JMJD6: variants seen among roughly 807,000 people sequenced by gnomAD.
JMJD6 encodes bifunctional arginine demethylase and lysyl-hydroxylase JMJD6.
JMJD6 carries 17 observed loss-of-function variants against 45.8 expected under a neutral mutation model. That is an observed-to-expected ratio of 0.37 (90% CI 0.25 to 0.56). JMJD6 has a LOEUF of 0.56. Among genes scored for constraint, JMJD6 ranks in the 20% least tolerant of loss-of-function variants. JMJD6 has a pLI of 0.79. For missense variants in JMJD6, 470 were observed against 517.5 expected (o/e 0.91, Z 0.89); for synonymous variants, 221 against 196.3 (o/e 1.13, Z -1.05).
chr17:76,718,354 A>T, downstream of JMJD6: 1 of 863,326 alleles, frequency 1.2e-6, no homozygotes, highest in Non-Finnish European at 1.5e-6. Context: ...GTGGTCAAGG[A>T]TGCACAGCAG....
In JMJD6 at chr17:76,721,133, G is replaced by A. The variant is rs1305962519; in HGVS notation, c.942-635C>T. On this transcript the variant is annotated intron_variant, in intron 4 of 5. Transcript: ENST00000397625. ...CTGCGGTGTGACCAAATCACAGCAC[G>A]CAGTGGCCTACGGGGCGGGGTAAGT... The A allele has an allele frequency of 2.3e-5, 5 of 216,138 alleles. No individual in the cohort carries two copies. The East Asian group carries it at 3.0e-4, about 13-fold the overall frequency. The allele number at this position is 216,138 out of a possible 1,614,324, so 13.4% of individuals were successfully genotyped here. A position where few individuals can be genotyped will look rare whatever the true frequency, so the allele number is the denominator to read the frequency against.
intron 2 of JMJD6, 45 bp downstream of exon 2, chr17:76,725,422 A>AAG (rs1568002131): frequency 1.3e-6 from 2 of 1,498,204 alleles, no homozygotes; most frequent in African/African-American, 1.4e-5. Context: ...AAAAAAAAAA[A>AAG]AAAAAAGAAA....
intron 3 of JMJD6, among the ~76,000 whole-genome samples, chr17:76,723,279 A>G (rs1002679591): frequency 1.1e-4 from 16 of 152,026 alleles, no homozygotes; most frequent in African/African-American, 3.9e-4. Context: ...TAGCCATATA[A>G]AATGTGAACA....
In JMJD6 at chr17:76,726,327, C is replaced by A; in HGVS notation, c.129+20G>T. 2 of 1,553,838 alleles carry A rather than the reference C, an allele frequency of 1.3e-6. No individual in the cohort carries two copies. Among genetic ancestry groups the A allele is most frequent in the South Asian group, 1.2e-5 (1 of 85,130 alleles). On this transcript the variant is annotated intron_variant, in intron 1 of 5. Coordinates refer to ENST00000397625, the MANE Select transcript of JMJD6 (RefSeq NM_015167.3). The stretch of plus-strand genomic sequence containing the variant: ...GAGGTGCCGATGCCCGGCCTGGCCA[C>A]CCCCGCCCGACCCGCTCACCGCCAC...
At chr17:76,719,628 C>T (rs776608142) in intron 5 of JMJD6, among the ~76,000 whole-genome samples, 21 of 152,198 alleles carry the variant, frequency 1.4e-4, no homozygotes, top group Non-Finnish European at 2.9e-4. Context: ...AGGGCCCTCT[C>T]ACCCAGTATT....
Position 76,726,423 on chromosome 17 carries a change from GGCCGCGCACTC to G in JMJD6, c.42_52del (p.Ser15GlyfsTer27). The stretch of plus-strand genomic sequence containing the variant: ...CCAATCCAGCGAGTCCTTGAGCTCC[GGCCGCGCACTC>G]CGCTTGGCCTCGCGGATGCGCTTCT... On this transcript the variant is annotated frameshift_variant, in exon 1 of 6. Coordinates refer to ENST00000397625, the MANE Select transcript of JMJD6 (RefSeq NM_015167.3). LOFTEE classifies it high-confidence loss of function. 6.2e-7 allele frequency: 1 copy of G among 1,603,750 alleles called. No individual in the cohort carries two copies. The highest frequency in any genetic ancestry group is 8.5e-7 in the Non-Finnish European group (1 of 1,176,062).
intron 2 of JMJD6, 72 bp from the exon 3 acceptor site, chr17:76,724,130 T>C (rs1201696833): frequency 5.2e-6 from 8 of 1,526,424 alleles, no homozygotes; most frequent in Non-Finnish European, 7.1e-6. Flanking sequence ...CAATAAGTTT[T>C]TAGTTTTTCT....
At chr17:76,725,412 A>AAAG in intron 2 of JMJD6, 55 bp downstream of exon 2, 1 of 1,425,722 alleles carries the variant, frequency 7.0e-7, no homozygotes, top group South Asian at 1.5e-5. Flanking sequence ...GTCTCAAAAA[A>AAAG]AAAAAAAAAA....
In JMJD6 at chr17:76,726,586, T is replaced by C; in HGVS notation, c.-111A>G. The C allele has an allele frequency of 7.2e-7, 1 of 1,394,068 alleles. No homozygotes were observed. The highest frequency in any genetic ancestry group is 9.5e-7 in the Non-Finnish European group (1 of 1,050,540). 86.4% of individuals were successfully genotyped at this position (1,394,068 alleles called of 1,614,324 possible). On this transcript the variant is annotated 5_prime_UTR_variant, in exon 1 of 6. Coordinates refer to ENST00000397625, the MANE Select transcript of JMJD6 (RefSeq NM_015167.3). ...GGCGACGGCAGTACCCAAACGCCCT[T>C]CGCTCAGTCCCGGCGCCTTTAAAGT...
intron 4 of JMJD6, chr17:76,720,708 T>G: frequency 2.0e-6 from 1 of 491,592 alleles, no homozygotes; most frequent in Non-Finnish European, 3.7e-6. Flanking sequence ...GCAAGGAAAA[T>G]TATACTAACT....
At chr17:76,722,926 G>T (rs923478359) in intron 3 of JMJD6, among the ~76,000 whole-genome samples, 1 of 3,168 alleles carries the variant, frequency 3.2e-4, no homozygotes, top group African/African-American at 9.0e-4. Context: ...CACAAACAAA[G>T]AAAAGTTGTA....
chr17:76,725,736 C>T lies in JMJD6; in HGVS notation c.249G>A (p.Glu83=). The T allele has an allele frequency of 6.2e-7, 1 of 1,614,164 alleles. No individual in the cohort carries two copies. The highest frequency in any genetic ancestry group is 1.1e-5 in the South Asian group (1 of 91,090). ...TTTTTAGGCGCTCCAGAGTCCATTT[C>T]TCCTGCGCAGACCAGCCCTCTTGCG... is the stretch of plus-strand genomic sequence containing the variant. The part of the protein sequence containing the change: ...LNAQEGWSAQ[E]KWTLERLKRK... Residue 83 remains glutamate (E), a synonymous_variant, in exon 2 of 6, where the codon GAG becomes GAA. Transcript: ENST00000397625.
Position 76,721,826 on chromosome 17 carries a change from T to C in JMJD6, c.913A>G (p.Arg305Gly). 6.2e-7 allele frequency: 1 copy of C among 1,614,126 alleles called. No individual in the cohort carries two copies. Among genetic ancestry groups the C allele is most frequent in the Non-Finnish European group, 8.5e-7 (1 of 1,180,018 alleles). Reference protein sequence around the residue: ...PVVWHKTVRGRPKLSRKWYRI... With the variant: ...PVVWHKTVRGGPKLSRKWYRI... ...TACCATTTCCTTGATAACTTTGGTCTCCCTCTTACCGTCTTGTGCCATACC... is the reference window on the plus strand; with the variant it reads ...TACCATTTCCTTGATAACTTTGGTCCCCCTCTTACCGTCTTGTGCCATACC... Residue 305 changes from arginine (R) to glycine (G), a missense_variant, in exon 4 of 6, where the codon AGA becomes GGA. Arg to Gly is a moderately radical substitution (Grantham distance 125). Transcript: ENST00000397625.
At position 76,723,994 on chromosome 17, in the gene JMJD6, C is replaced by A. The variant is rs1348215729; in HGVS notation, c.583G>T (p.Ala195Ser). Residue 195 changes from alanine to serine, a missense_variant, in exon 3 of 6, where the codon GCC (alanine) becomes TCC (serine). By Grantham distance (99) the Ala-to-Ser change is moderately conservative. Around this residue, in one of 4 missense-constraint regions of JMJD6, gnomAD observed 346 missense variants for 339.5 expected, o/e 1.02. Coordinates refer to ENST00000397625, the MANE Select transcript of JMJD6 (RefSeq NM_015167.3). Reference sequence around the variant, plus strand: ...TGGCCCTGAACTAAGGCATTCCAGGCACTGGTTCCCAGAGGGTCGATGTGA... The same window carrying A: ...TGGCCCTGAACTAAGGCATTCCAGGAACTGGTTCCCAGAGGGTCGATGTGA... ...GIHIDPLGTS[A>S]WNALVQGHKR... 2 of 1,614,046 alleles carry A rather than the reference C, an allele frequency of 1.2e-6. No homozygotes were observed. The highest frequency in any genetic ancestry group is 1.3e-5 in the African/African-American group (1 of 74,916).
downstream of JMJD6, among the ~76,000 whole-genome samples, chr17:76,717,519 G>C (rs1235419405): frequency 6.6e-6 from 1 of 152,126 alleles, no homozygotes; most frequent in Non-Finnish European, 1.5e-5. Flanking sequence ...ACTTATTTAG[G>C]TCCAATCTTG....
In JMJD6 at chr17:76,725,775, C is replaced by A. The variant is rs1568002938; in HGVS notation, c.210G>T (p.Val70=). The part of the protein sequence containing the change: ...VERYERPYKP[V]VLLNAQEGWS... ...AGCCCTCTTGCGCATTCAACAAAAC[C>A]ACGGGCTTGTAAGGTCTTTCATACC... The change falls in exon 2 of 6, where the codon GTG becomes GTT. Residue 70 remains valine (V), a synonymous_variant. Transcript: ENST00000397625. 6.2e-7 allele frequency: 1 copy of A among 1,614,084 alleles called. No homozygotes were observed. Among genetic ancestry groups the A allele is most frequent in the Non-Finnish European group, 8.5e-7 (1 of 1,180,020 alleles).
chr17:76,720,153 A>G (rs1598375802), intron 5 of JMJD6, among the ~76,000 whole-genome samples: 1 of 152,226 alleles, frequency 6.6e-6, no homozygotes, highest in African/African-American at 2.4e-5. Flanking sequence ...CTCCAAACAA[A>G]CAAAAATTCA....
chr17:76,714,795 G>A (rs1231291445), downstream of JMJD6: 1 of 152,162 alleles, frequency 6.6e-6, no homozygotes, highest in African/African-American at 2.4e-5. Context: ...AGAAAACTGG[G>A]TGGCTAATCT....
intron 3 of JMJD6, among the ~76,000 whole-genome samples, chr17:76,723,253 A>C (rs955003321): frequency 6.6e-6 from 1 of 151,936 alleles, no homozygotes. Flanking sequence ...GCCTGCATAC[A>C]GTTTATCAGG....
Sources: allele counts gnomAD v4.1 joint callset (sites outside exome capture counted in the v4.1 genomes callset), GRCh38; gene constraint gnomAD v4.1.1; regional missense constraint gnomAD v4.1.1; transcripts MANE v1.5; gene names NCBI Gene and HGNC (gene_info 2026-07-23, HGNC 2026-07-21).